The following NCAM2 variants were observed in gnomAD, a reference collection of about 807,000 sequenced individuals.
The protein encoded by NCAM2 is neural cell adhesion molecule 2.
Under a neutral mutation model 98.1 loss-of-function variants are expected in NCAM2, and 30 were observed. That is an observed-to-expected ratio of 0.31 (90% CI 0.23 to 0.41). The LOEUF (loss-of-function observed/expected upper bound fraction) is 0.41. Among genes scored for constraint, NCAM2 ranks in the 10% least tolerant of loss-of-function variants. NCAM2 has a pLI of 1.00. For missense variants in NCAM2, 867 were observed against 1,005.8 expected, an observed-to-expected ratio of 0.86 and a Z score of 1.87; for synonymous variants, 368 against 342.4, an observed-to-expected ratio of 1.07 and a Z score of -0.83.
At chr21:21,288,698 A>G (rs920452542) in intron 4 of NCAM2, among the ~76,000 whole-genome samples, 11 of 151,982 alleles carry the variant, frequency 7.2e-5, no homozygotes, top group South Asian at 2.1e-4. Context: ...TATACCTCAT[A>G]TAGTCCTTTA....
chr21:21,343,359 A>G (rs1157883059), intron 8 of NCAM2, among the ~76,000 whole-genome samples: 3 of 35,996 alleles, frequency 8.3e-5, no homozygotes, highest in African/African-American at 2.7e-4. Flanking sequence ...CTATACACAT[A>G]CACACACACA....
At chr21:21,315,382 A>G (rs1339355915) in intron 5 of NCAM2, among the ~76,000 whole-genome samples, 4 of 152,006 alleles carry the variant, frequency 2.6e-5, no homozygotes, top group Non-Finnish European at 4.4e-5. Context: ...ATACTTTCCT[A>G]TTTCTTAGGT....
intron 1 of NCAM2, among the ~76,000 whole-genome samples, chr21:21,066,273 C>G (rs62207571): frequency 0.037 from 5,643 of 152,016 alleles, 327 homozygotes; most frequent in African/African-American, 0.13. Context: ...TTTTTTGTTA[C>G]CATACCTTTG....
chr21:21,247,944 T>G (rs1211667129), intron 1 of NCAM2, among the ~76,000 whole-genome samples: 5 of 152,172 alleles, frequency 3.3e-5, no homozygotes, highest in African/African-American at 7.2e-5. Context: ...TCTTTTAATT[T>G]ATGAGTTTAA....
chr21:21,254,949 A>ATGTGTG (rs58330278), intron 1 of NCAM2, among the ~76,000 whole-genome samples: 2,321 of 148,376 alleles, frequency 0.016, 54 homozygotes, highest in African/African-American at 0.055. Context: ...TAGCATATCT[A>ATGTGTG]TGTGTGTGTG....
chr21:21,456,507 G>A (rs1481716479), intron 12 of NCAM2, among the ~76,000 whole-genome samples: 2 of 152,048 alleles, frequency 1.3e-5, no homozygotes, highest in African/African-American at 2.4e-5. Context: ...TCAGAAACAC[G>A]TAATTAAGTA....
At chr21:21,266,187 G>C (rs1458246636) in intron 1 of NCAM2, among the ~76,000 whole-genome samples, 2 of 151,952 alleles carry the variant, frequency 1.3e-5, no homozygotes, top group African/African-American at 4.8e-5. Flanking sequence ...CCTTTTCTGG[G>C]GATGACAGTG....
intron 1 of NCAM2, among the ~76,000 whole-genome samples, chr21:21,135,573 T>C (rs1271201845): frequency 6.6e-6 from 1 of 152,196 alleles, no homozygotes; most frequent in Admixed American, 6.5e-5. Flanking sequence ...CACTCGAAGC[T>C]CTTCTCAGTT....
chr21:21,043,808 C>A (rs1167701921), intron 1 of NCAM2, among the ~76,000 whole-genome samples: 1 of 139,748 alleles, frequency 7.2e-6, no homozygotes, highest in South Asian at 2.3e-4. Context: ...GAGCCGAGTT[C>A]GTGCCACTGC....
At chr21:21,144,859 T>C (rs1446675190) in intron 1 of NCAM2, among the ~76,000 whole-genome samples, 1 of 152,106 alleles carries the variant, frequency 6.6e-6, no homozygotes, top group East Asian at 1.9e-4. Context: ...TATAGGAAAA[T>C]GTAGAGAAAC....
intron 1 of NCAM2, among the ~76,000 whole-genome samples, chr21:21,205,850 T>C (rs2069417984): frequency 6.6e-6 from 1 of 152,108 alleles, no homozygotes; most frequent in South Asian, 2.1e-4. Context: ...TGGCACCTTT[T>C]AGTGGTGCAC....
intron 1 of NCAM2, among the ~76,000 whole-genome samples, chr21:21,113,103 A>G (rs926391452): frequency 7.0e-6 from 1 of 143,062 alleles, no homozygotes; most frequent in Non-Finnish European, 1.5e-5. Flanking sequence ...GACAATATCC[A>G]CCAGATTCAT....
chr21:21,100,946 A>G (rs1484290417), intron 1 of NCAM2, among the ~76,000 whole-genome samples: 1 of 151,952 alleles, frequency 6.6e-6, no homozygotes, highest in Non-Finnish European at 1.5e-5. Context: ...AATGAATTTG[A>G]TCTGTTACAT....
chr21:21,381,364 C>T (rs900449374), intron 9 of NCAM2, among the ~76,000 whole-genome samples: 1 of 149,892 alleles, frequency 6.7e-6, no homozygotes, highest in African/African-American at 2.5e-5. Context: ...TCAATTAGGC[C>T]TACAATTTTT....
At chr21:21,337,265 T>A (rs1218680391) in intron 7 of NCAM2, among the ~76,000 whole-genome samples, 2 of 152,166 alleles carry the variant, frequency 1.3e-5, no homozygotes, top group South Asian at 2.1e-4. Flanking sequence ...ACATTTCTGA[T>A]ATTTTCATCC....
intron 15 of NCAM2, among the ~76,000 whole-genome samples, chr21:21,503,674 C>T (rs1987782554): frequency 6.6e-6 from 1 of 151,860 alleles, no homozygotes; most frequent in African/African-American, 2.4e-5. Context: ...GATTCTCATA[C>T]TTTAATACTT....
intron 1 of NCAM2, among the ~76,000 whole-genome samples, chr21:21,068,270 T>C (rs2065483483): frequency 1.3e-5 from 2 of 151,000 alleles, no homozygotes. Flanking sequence ...GTTGCTGGGA[T>C]TATAGGCACC....
chr21:21,051,064 A>T (rs1880178675), intron 1 of NCAM2, among the ~76,000 whole-genome samples: 1 of 152,200 alleles, frequency 6.6e-6, no homozygotes, highest in South Asian at 2.1e-4. Context: ...CAATAAAAGA[A>T]GTGTTTGTCC....
intron 15 of NCAM2, among the ~76,000 whole-genome samples, chr21:21,481,728 CT>C (rs1217165701): frequency 6.6e-6 from 1 of 152,114 alleles, no homozygotes; most frequent in Non-Finnish European, 1.5e-5. Context: ...GTATTCACCC[CT>C]CTAAACCATG....
Sources: allele counts gnomAD v4.1 joint callset (sites outside exome capture counted in the v4.1 genomes callset), GRCh38; gene constraint gnomAD v4.1.1; transcripts MANE v1.5; gene names NCBI Gene and HGNC (gene_info 2026-07-23, HGNC 2026-07-21).